The following KHDC1 variants were observed in gnomAD, a reference collection of about 807,000 sequenced individuals.
KHDC1 encodes the protein KH homology domain-containing protein 1.
Under a neutral mutation model 24.7 loss-of-function variants are expected in KHDC1, and 21 were observed. That is an observed-to-expected ratio of 0.85 (90% CI 0.60 to 1.23). The LOEUF (loss-of-function observed/expected upper bound fraction) is 1.23. KHDC1 is among the 50% of genes most tolerant of loss of function. The probability of loss-of-function intolerance (pLI) is 0.00; values close to 1 mark genes in which losing one functional copy is unlikely to be tolerated. For missense variants in KHDC1, 274 were observed against 298.5 expected (o/e 0.92, Z 0.61); for synonymous variants, 98 against 111.7 (o/e 0.88, Z 0.77).
intron 2 of KHDC1, among the ~76,000 whole-genome samples, chr6:73,252,618 C>T (rs2797086): frequency 0.64 from 97,709 of 151,532 alleles, 34,647 homozygotes; most frequent in Non-Finnish European, 0.78. Flanking sequence ...GGAAACCAGC[C>T]TGGGCAACAT....
At chr6:73,281,076 G>A (rs1425923885) in intron 2 of KHDC1, among the ~76,000 whole-genome samples, 1 of 151,990 alleles carries the variant, frequency 6.6e-6, no homozygotes, top group Non-Finnish European at 1.5e-5. Flanking sequence ...TGGCATGGTG[G>A]TGCCTGTCTG....
At chr6:73,267,248 G>A (rs901595416) in intron 2 of KHDC1, among the ~76,000 whole-genome samples, 2 of 152,184 alleles carry the variant, frequency 1.3e-5, no homozygotes, top group Admixed American at 6.5e-5. Flanking sequence ...AGGAGGCCAA[G>A]GCAGGTGGAT....
intron 2 of KHDC1, among the ~76,000 whole-genome samples, chr6:73,273,639 A>T (rs1582569341): frequency 6.8e-6 from 1 of 146,694 alleles, no homozygotes; most frequent in African/African-American, 2.5e-5. Context: ...ACACGGTGAA[A>T]CCCCGTCTCT....
chr6:73,273,420 G>A (rs1441197760), intron 2 of KHDC1, among the ~76,000 whole-genome samples: 3 of 152,078 alleles, frequency 2.0e-5, no homozygotes, highest in East Asian at 3.9e-4. Flanking sequence ...CCCCCGCCTC[G>A]GCCTCCCAAA....
intron 2 of KHDC1, among the ~76,000 whole-genome samples, chr6:73,265,237 T>C (rs1180941151): frequency 2.6e-5 from 4 of 152,096 alleles, no homozygotes; most frequent in Non-Finnish European, 4.4e-5. Context: ...ACAATTATAA[T>C]GTTGAGAGAA....
At chr6:73,257,984 G>A (rs948476096) in intron 2 of KHDC1, among the ~76,000 whole-genome samples, 4 of 152,288 alleles carry the variant, frequency 2.6e-5, no homozygotes, top group East Asian at 3.9e-4. Flanking sequence ...GCCAGGCACA[G>A]TGGCTCACGC....
intron 2 of KHDC1, among the ~76,000 whole-genome samples, chr6:73,271,247 G>A (rs1040039596): frequency 6.6e-6 from 1 of 151,676 alleles, no homozygotes; most frequent in Non-Finnish European, 1.5e-5. Flanking sequence ...TCACTCTGAC[G>A]CCCAGGCTGG....
chr6:73,265,222 G>A (rs536489647), intron 2 of KHDC1, among the ~76,000 whole-genome samples: 20 of 152,222 alleles, frequency 1.3e-4, no homozygotes, highest in South Asian at 6.2e-4. Flanking sequence ...CCCAGAAACC[G>A]CAAAACAATT....
chr6:73,294,388 T>C (rs1193749271), intron 1 of KHDC1, among the ~76,000 whole-genome samples: 2 of 152,190 alleles, frequency 1.3e-5, no homozygotes, highest in Non-Finnish European at 2.9e-5. Flanking sequence ...GGAACAGCAC[T>C]TCTGCACATA....
chr6:73,248,575 G>GA (rs747727171), intron 2 of KHDC1, among the ~76,000 whole-genome samples: 2 of 152,156 alleles, frequency 1.3e-5, no homozygotes, highest in Non-Finnish European at 2.9e-5. Context: ...TACAATCTGA[G>GA]AAAATTAGAG....
intron 2 of KHDC1, among the ~76,000 whole-genome samples, chr6:73,256,610 C>T (rs1766884143): frequency 6.6e-6 from 1 of 152,202 alleles, no homozygotes; most frequent in Non-Finnish European, 1.5e-5. Context: ...TAACTGGTGA[C>T]TTCACACTTT....
intron 1 of KHDC1, among the ~76,000 whole-genome samples, chr6:73,297,427 A>T (rs118132973): frequency 0.018 from 2,801 of 152,192 alleles, 42 homozygotes; most frequent in Middle Eastern, 0.041. Flanking sequence ...TTTAGTTTGT[A>T]TGCTATCTTT....
At chr6:73,277,063 C>T (rs142113785) in intron 2 of KHDC1, among the ~76,000 whole-genome samples, 280 of 152,228 alleles carry the variant, frequency 1.8e-3, no homozygotes, top group African/African-American at 6.4e-3. Context: ...AAGAACATTC[C>T]TGTTTATTCT....
chr6:73,242,220 G>A, exon 4 of KHDC1: 1 of 1,613,526 alleles, frequency 6.2e-7, no homozygotes, highest in Non-Finnish European at 8.5e-7. Context: ...ATGCAGCGAA[G>A]GTATGTGTCA....
At chr6:73,303,976 C>T (rs1344505204) in intron 1 of KHDC1, among the ~76,000 whole-genome samples, 9 of 152,052 alleles carry the variant, frequency 5.9e-5, no homozygotes, top group African/African-American at 2.2e-4. Context: ...GTCAAGAGCT[C>T]GAAACCAGCC....
chr6:73,283,147 TC>T (rs1767445674), intron 2 of KHDC1, among the ~76,000 whole-genome samples: 5 of 152,194 alleles, frequency 3.3e-5, no homozygotes, highest in African/African-American at 1.2e-4. Flanking sequence ...CTTATTGTAA[TC>T]TTTTGAAGGA....
intron 4 of KHDC1, 106 bp downstream of exon 3, chr6:73,241,949 G>T (rs1320952597): frequency 2.3e-6 from 3 of 1,292,546 alleles, no homozygotes; most frequent in African/African-American, 3.0e-5. Context: ...GAAGCACTTG[G>T]ATTCCCCAGC....
intron 2 of KHDC1, chr6:73,269,761 C>T (rs1439670697): frequency 6.6e-6 from 1 of 150,398 alleles, no homozygotes. Context: ...TCTAATTTTA[C>T]TGTTTGTTGT....
chr6:73,288,762 C>T (rs1767568003), intron 2 of KHDC1, among the ~76,000 whole-genome samples: 1 of 142,080 alleles, frequency 7.0e-6, no homozygotes, highest in Non-Finnish European at 1.5e-5. Context: ...TTAGCCACTG[C>T]ACACCAGCCT....
Sources: gnomAD v4.1 joint callset for allele counts (sites outside exome capture counted in the v4.1 genomes callset) on GRCh38, gnomAD v4.1.1 for gene constraint, MANE v1.5 for transcripts, NCBI Gene and HGNC (gene_info 2026-07-23, HGNC 2026-07-21) for gene names.